APOBEC1: variants seen among roughly 807,000 people sequenced by gnomAD.
The protein encoded by APOBEC1 is apolipoprotein B mRNA editing enzyme catalytic subunit 1, also known as C->U-editing enzyme APOBEC-1.
In APOBEC1, 22 loss-of-function variants were observed where a neutral mutation model predicts 26.3. The ratio of observed to expected loss-of-function variants is 0.84; its 90% CI spans 0.60 to 1.19. The LOEUF is 1.19. APOBEC1 is among the 50% of genes most tolerant of loss of function. The pLI, the probability that APOBEC1 is intolerant of heterozygous loss-of-function variation, is 0.00. For missense variants in APOBEC1, 253 were observed against 289.0 expected, an observed-to-expected ratio of 0.88 and a Z score of 0.90; for synonymous variants, 77 against 95.3, an observed-to-expected ratio of 0.81 and a Z score of 1.12.
rs764489544 is a variant in APOBEC1, at chr12:7,655,732, T to C, written c.17-1100A>G. Among the ~76,000 whole-genome samples, 5 of 152,150 alleles carry C rather than the reference T, an allele frequency of 3.3e-5. No homozygotes were observed. In the East Asian group the frequency reaches 7.8e-4, roughly 24 times the overall value. ...GAGAGAGTGCAGTGGCTTATACCTA[T>C]AATCCCAGCTTTTTGAGATGCCAAG... On this transcript the variant is annotated intron_variant, in intron 1 of 4. Coordinates refer to ENST00000229304, the MANE Select transcript of APOBEC1 (RefSeq NM_001644.5).
intron 4 of APOBEC1, 33 bp downstream of exon 4, chr12:7,650,990 T>G (rs1863629677): frequency 6.8e-7 from 1 of 1,463,416 alleles, no homozygotes; most frequent in South Asian, 1.2e-5. Context: ...TGCTTCTTTT[T>G]GCATCAACAT....
At chr12:7,668,494 G>A (rs1026121269), upstream of APOBEC1, among the ~76,000 whole-genome samples, 8 of 152,096 alleles carry the variant, frequency 5.3e-5, no homozygotes, top group African/African-American at 1.7e-4. Context: ...CCTATTGAGC[G>A]CTTCGTCCAT....
At chr12:7,652,234 A>G (rs935337125) in intron 3 of APOBEC1, among the ~76,000 whole-genome samples, 2 of 152,200 alleles carry the variant, frequency 1.3e-5, no homozygotes, top group African/African-American at 4.8e-5. Context: ...CTGGGATTAT[A>G]GGCATGAGCC....
chr12:7,652,817 C>T lies in APOBEC1; in HGVS notation c.63G>A (p.Trp21Ter). 6.3e-7 allele frequency: 1 copy of T among 1,591,650 alleles called. No homozygotes were observed. The highest frequency in any genetic ancestry group is 1.4e-5 in the African/African-American group (1 of 73,942). Reference sequence around the variant, plus strand: ...TGGGGTCATAGAAGACGTCAAACTCCCAGGGTTCGATTCTTCTCCTGAAAT... The same window carrying T: ...TGGGGTCATAGAAGACGTCAAACTCTCAGGGTTCGATTCTTCTCCTGAAAT... The part of the protein sequence containing the change: ...DPTLRRRIEP[W>*]EFDVFYDPRE... Residue 21 changes from tryptophan (W) to a stop codon, truncating the protein, a stop_gained, in exon 3 of 5, where the codon TGG (tryptophan) becomes TGA (stop). Transcript: ENST00000229304. LOFTEE classifies it high-confidence loss of function.
intron 1 of APOBEC1, among the ~76,000 whole-genome samples, chr12:7,657,954 A>G (rs1198552936): frequency 1.3e-5 from 2 of 152,228 alleles, no homozygotes; most frequent in Non-Finnish European, 2.9e-5. Flanking sequence ...CTGGAAAAGA[A>G]TTGAAGTCTA....
At chr12:7,653,489 CT>C (rs57508175) in intron 2 of APOBEC1, among the ~76,000 whole-genome samples, 2,809 of 116,076 alleles carry the variant, frequency 0.024, 46 homozygotes, top group African/African-American at 0.046. Context: ...TATTCTAACC[CT>C]TTTTTTTTTT....
At chr12:7,653,914 T>G (rs1863680209) in intron 2 of APOBEC1, among the ~76,000 whole-genome samples, 1 of 152,220 alleles carries the variant, frequency 6.6e-6, no homozygotes, top group Non-Finnish European at 1.5e-5. Flanking sequence ...AACTCAGAAT[T>G]GAACTGCAGA....
At position 7,662,439 on chromosome 12, in the gene APOBEC1, C is replaced by T. The variant is rs142624594; in HGVS notation, c.16+3418G>A. On this transcript the variant is annotated intron_variant, in intron 1 of 4. Transcript: ENST00000229304. Reference sequence around the variant, plus strand: ...CTCTACTAAAAATACAAAAATTAGCCGGGCATGTTGGCACGTGCCTGTAAT... The same window carrying T: ...CTCTACTAAAAATACAAAAATTAGCTGGGCATGTTGGCACGTGCCTGTAAT... 1.1e-3 allele frequency among the ~76,000 whole-genome samples: 173 copies of T among 151,976 alleles called. 2 individuals are homozygous for T. The East Asian group carries it at 0.02, about 18-fold the overall frequency.
chr12:7,649,700 G>A lies in APOBEC1; in HGVS notation c.562-4C>T, dbSNP rs1863611224. 2 of 1,593,436 alleles carry A rather than the reference G, an allele frequency of 1.3e-6. No individual in the cohort carries two copies. Among genetic ancestry groups the A allele is most frequent in the Middle Eastern group, 1.7e-4 (1 of 6,044 alleles). The stretch of plus-strand genomic sequence containing the variant: ...TCTTTAAACAGGGTGGAAGACTCTG[G>A]AATAAAAAAGGATTATATTTAATCC... On this transcript the variant is annotated splice_polypyrimidine_tract_variant and splice_region_variant and intron_variant, in intron 4 of 4. Transcript: ENST00000229304.
At chr12:7,664,197 T>C (rs1863861436) in intron 1 of APOBEC1, among the ~76,000 whole-genome samples, 1 of 152,170 alleles carries the variant, frequency 6.6e-6, no homozygotes, top group South Asian at 2.1e-4. Context: ...AAGGAGAAAA[T>C]AAATTGTTAC....
At chr12:7,670,083 A>G (rs1565445129), upstream of APOBEC1, among the ~76,000 whole-genome samples, 1 of 102,410 alleles carries the variant, frequency 9.8e-6, no homozygotes, top group Non-Finnish European at 2.1e-5. Flanking sequence ...TCCCGGGTTC[A>G]GGTGATTCTC....
At position 7,652,710 on chromosome 12, in the gene APOBEC1, T is replaced by G; in HGVS notation, c.170A>C (p.Asn57Thr). 6.2e-7 allele frequency: 1 copy of G among 1,614,088 alleles called. No individual in the cohort carries two copies. Among genetic ancestry groups the G allele is most frequent in the Non-Finnish European group, 8.5e-7 (1 of 1,180,016 alleles). The change falls in exon 3 of 5, where the codon AAC becomes ACC. Residue 57 changes from asparagine (N) to threonine (T), a missense_variant. Coordinates refer to ENST00000229304, the MANE Select transcript of APOBEC1 (RefSeq NM_001644.5). ...SRKIWRSSGK[N>T]TTNHVEVNFI... ...ATTAACTTCCACGTGATTGGTGGTGTTTTTGCCTGAGCTTCGCCAGATCTT... is the reference window on the plus strand; with the variant it reads ...ATTAACTTCCACGTGATTGGTGGTGGTTTTGCCTGAGCTTCGCCAGATCTT...
intron 1 of APOBEC1, among the ~76,000 whole-genome samples, 193 bp from the exon 2 acceptor site, chr12:7,654,825 C>A (rs777395681): frequency 2.6e-5 from 4 of 152,206 alleles, no homozygotes; most frequent in Non-Finnish European, 5.9e-5. Context: ...CTGCCAAAAT[C>A]TCTTTTCCCA....
intron 1 of APOBEC1, among the ~76,000 whole-genome samples, chr12:7,663,187 T>C (rs1466585360): frequency 6.6e-6 from 1 of 152,176 alleles, no homozygotes; most frequent in Non-Finnish European, 1.5e-5. Flanking sequence ...AGACACTTCC[T>C]TTAAAACAGA....
At chr12:7,660,364 G>GAAGC (rs1863792592) in intron 1 of APOBEC1, among the ~76,000 whole-genome samples, 1 of 75,270 alleles carries the variant, frequency 1.3e-5, no homozygotes, top group Non-Finnish European at 3.0e-5. Flanking sequence ...AGGAAGGAAG[G>GAAGC]AAGGAAGGAA....
chr12:7,657,257 A>G (rs942996034), intron 1 of APOBEC1, among the ~76,000 whole-genome samples: 6 of 152,192 alleles, frequency 3.9e-5, no homozygotes, highest in Non-Finnish European at 7.3e-5. Context: ...CCAAATTGTT[A>G]GCTGAATGTC....
At chr12:7,669,248 A>G (rs776069605), upstream of APOBEC1, among the ~76,000 whole-genome samples, 1 of 148,532 alleles carries the variant, frequency 6.7e-6, no homozygotes, top group South Asian at 2.1e-4. Flanking sequence ...TATTTTTAGT[A>G]GAGACGGGGT....
chr12:7,651,975 C>A (rs1346558248), intron 3 of APOBEC1, among the ~76,000 whole-genome samples: 2 of 152,180 alleles, frequency 1.3e-5, no homozygotes, highest in African/African-American at 4.8e-5. Flanking sequence ...CGCCCGCCAC[C>A]ACGCCTGGCT....
chr12:7,649,744 TTAA>T (rs1863612644), intron 4 of APOBEC1, 48 bp from the exon 5 acceptor site: 2 of 1,273,046 alleles, frequency 1.6e-6, no homozygotes, highest in Admixed American at 2.1e-5. Context: ...AATATTTTAA[TTAA>T]TAATATTATC....
Sources: gnomAD v4.1 joint callset for allele counts (sites outside exome capture counted in the v4.1 genomes callset) on GRCh38, gnomAD v4.1.1 for gene constraint, MANE v1.5 for transcripts, NCBI Gene and HGNC (gene_info 2026-07-23, HGNC 2026-07-21) for gene names.